CERT1: variants seen among roughly 807,000 people sequenced by gnomAD.
CERT1 encodes ceramide transfer protein.
Under a neutral mutation model 87.9 loss-of-function variants are expected in CERT1, and 31 were observed. The observed-to-expected ratio is 0.35, with a 90% CI of 0.27 to 0.48. The LOEUF (loss-of-function observed/expected upper bound fraction) is 0.48, where lower values mean the gene tolerates loss of function less well. CERT1 is among the 20% of genes least tolerant of loss of function. CERT1 has a pLI of 0.99. For missense variants in CERT1, 487 were observed against 758.0 expected (o/e 0.64, Z 4.20); for synonymous variants, 289 against 250.9 (o/e 1.15, Z -1.44).
chr5:75,457,111 A>G (rs1293386466), intron 3 of CERT1, among the ~76,000 whole-genome samples: 1 of 152,242 alleles, frequency 6.6e-6, no homozygotes, highest in Non-Finnish European at 1.5e-5. Context: ...CCCTGATTAA[A>G]TAACATGAAA....
intron 3 of CERT1, among the ~76,000 whole-genome samples, chr5:75,456,307 T>A (rs2112299452): frequency 6.6e-6 from 1 of 152,252 alleles, no homozygotes; most frequent in African/African-American, 2.4e-5. Context: ...TTTACTTTAG[T>A]ACATTAAATA....
At chr5:75,467,664 A>AAC (rs1370843901) in intron 2 of CERT1, among the ~76,000 whole-genome samples, 3 of 151,652 alleles carry the variant, frequency 2.0e-5, no homozygotes, top group African/African-American at 7.3e-5. Context: ...AAAAAAAAAA[A>AAC]AAAGTAGCAT....
At chr5:75,432,603 A>C (rs1250617852) in intron 3 of CERT1, among the ~76,000 whole-genome samples, 2 of 151,996 alleles carry the variant, frequency 1.3e-5, no homozygotes, top group Non-Finnish European at 2.9e-5. Flanking sequence ...TGGATATCAG[A>C]CCTTTGTTGT....
chr5:75,410,232 A>C (rs1467480401), intron 8 of CERT1, among the ~76,000 whole-genome samples: 1 of 152,230 alleles, frequency 6.6e-6, no homozygotes, highest in African/African-American at 2.4e-5. Flanking sequence ...CCTGCTTAAC[A>C]AATAAACACA....
At chr5:75,390,813 C>T (rs533381941) in intron 11 of CERT1, among the ~76,000 whole-genome samples, 12 of 152,070 alleles carry the variant, frequency 7.9e-5, no homozygotes, top group Non-Finnish European at 1.6e-4. Context: ...CAACTTCCCC[C>T]CTACCCGCCA....
intron 2 of CERT1, among the ~76,000 whole-genome samples, chr5:75,464,362 T>G (rs1191969508): frequency 6.9e-6 from 1 of 145,734 alleles, no homozygotes; most frequent in Non-Finnish European, 1.5e-5. Context: ...ACCTACCGCA[T>G]AGTAACATTA....
chr5:75,478,906 T>C (rs1446342746), intron 2 of CERT1, among the ~76,000 whole-genome samples: 1 of 25,002 alleles, frequency 4.0e-5, no homozygotes, highest in Non-Finnish European at 6.7e-5. Context: ...TGAAAGTAAG[T>C]ACTAAAAAAA....
chr5:75,437,768 T>TAAAAAA (rs201506124), intron 3 of CERT1, among the ~76,000 whole-genome samples: 3 of 110,674 alleles, frequency 2.7e-5, no homozygotes, highest in Admixed American at 1.9e-4. Context: ...TCTGTCTCAT[T>TAAAAAA]AAAAAAAAAA....
chr5:75,373,799 T>C, downstream of CERT1: 1 of 303,676 alleles, frequency 3.3e-6, no homozygotes, highest in East Asian at 5.2e-5. Flanking sequence ...GCTTTTCTTT[T>C]GTGCACAAAA....
intron 7 of CERT1, among the ~76,000 whole-genome samples, chr5:75,412,699 T>C (rs1355139801): frequency 6.6e-6 from 1 of 152,102 alleles, no homozygotes; most frequent in Non-Finnish European, 1.5e-5. Context: ...AATCTAAACA[T>C]AGAAAAGGGA....
At chr5:75,425,309 C>T (rs1473755107) in intron 5 of CERT1, 52 bp downstream of exon 5, 24 of 1,550,692 alleles carry the variant, frequency 1.5e-5, no homozygotes, top group Non-Finnish European at 2.0e-5. Flanking sequence ...GATCAAGAGG[C>T]TTTTAATCCA....
chr5:75,427,929 A>G (rs1166621926), intron 3 of CERT1, among the ~76,000 whole-genome samples: 2 of 152,334 alleles, frequency 1.3e-5, no homozygotes, highest in African/African-American at 4.8e-5. Flanking sequence ...TTTTAGTATC[A>G]AACCTATGGT....
At chr5:75,376,182 A>G (rs532371564), downstream of CERT1, 2 of 152,168 alleles carry the variant, frequency 1.3e-5, no homozygotes, top group African/African-American at 4.8e-5. Flanking sequence ...CTAATATCCT[A>G]CCATTTATCT....
chr5:75,385,290 C>T (rs1377455636), intron 13 of CERT1, among the ~76,000 whole-genome samples: 3 of 151,960 alleles, frequency 2.0e-5, no homozygotes, highest in Non-Finnish European at 2.9e-5. Flanking sequence ...CTGACCAACA[C>T]GGCAAAACCC....
intron 4 of CERT1, among the ~76,000 whole-genome samples, chr5:75,426,078 T>A (rs79410255): frequency 0.056 from 8,603 of 152,314 alleles, 503 homozygotes; most frequent in African/African-American, 0.14. Flanking sequence ...AATCTGTGGA[T>A]ACTGACCAGT....
chr5:75,422,031 G>A (rs1185634941), intron 5 of CERT1, among the ~76,000 whole-genome samples: 1 of 152,078 alleles, frequency 6.6e-6, no homozygotes, highest in African/African-American at 2.4e-5. Context: ...CTACTAGAGA[G>A]GGTATCCACA....
At chr5:75,405,872 TG>T (rs141912723) in intron 8 of CERT1, among the ~76,000 whole-genome samples, 58,281 of 120,130 alleles carry the variant, frequency 0.49, 14,840 homozygotes, top group Middle Eastern at 0.67. Context: ...CTGCAGTTAC[TG>T]GGGGGGGGGG....
At chr5:75,442,692 G>A (rs1474470108) in intron 3 of CERT1, among the ~76,000 whole-genome samples, 2 of 152,020 alleles carry the variant, frequency 1.3e-5, no homozygotes, top group Non-Finnish European at 2.9e-5. Context: ...CATAGATTCA[G>A]TTACTTGTGG....
intron 2 of CERT1, among the ~76,000 whole-genome samples, chr5:75,503,986 T>G (rs1055896087): frequency 2.1e-5 from 2 of 95,960 alleles, no homozygotes; most frequent in African/African-American, 8.4e-5. Flanking sequence ...ATAACTATAT[T>G]TAAATCCACA....
Sources: allele counts gnomAD v4.1 joint callset (sites outside exome capture counted in the v4.1 genomes callset), GRCh38; gene constraint gnomAD v4.1.1; transcripts MANE v1.5; gene names NCBI Gene and HGNC (gene_info 2026-07-23, HGNC 2026-07-21).